Variants in KCNIP4 observed in about 807,000 individuals in gnomAD.
KCNIP4 encodes potassium voltage-gated channel interacting protein 4.
In KCNIP4, 12 loss-of-function variants were observed where a neutral mutation model predicts 34.0. That is an observed-to-expected ratio of 0.35 (90% CI 0.23 to 0.57). The LOEUF is 0.57. Ranked by LOEUF, KCNIP4 falls within the 20% of genes least tolerant of loss-of-function variation. KCNIP4 has a pLI of 0.83. For missense variants in KCNIP4, 238 were observed against 311.7 expected (o/e 0.76, Z 1.78); for synonymous variants, 124 against 102.2 (o/e 1.21, Z -1.29).
At chr4:21,272,023 C>T (rs1762178745) in intron 1 of KCNIP4, among the ~76,000 whole-genome samples, 1 of 152,092 alleles carries the variant, frequency 6.6e-6, no homozygotes, top group East Asian at 1.9e-4. Flanking sequence ...TGAAGAATGC[C>T]TTCTTAGTCA....
At position 21,925,880 on chromosome 4, in the gene KCNIP4, G is replaced by A. The variant is rs1729219747; in HGVS notation, c.61+22691C>T. 2.6e-5 allele frequency among the ~76,000 whole-genome samples: 4 copies of A among 152,104 alleles called. No individual in the cohort carries two copies. In the South Asian group the frequency reaches 8.3e-4, roughly 32 times the overall value. On this transcript the variant is annotated intron_variant, in intron 1 of 8. Coordinates refer to ENST00000382152, the MANE Select transcript of KCNIP4 (RefSeq NM_025221.6). Reference sequence around the variant, plus strand: ...ATTTGTTGAATTAATAAATGATAATGGGACACTGGAGCTGGAAGACCTAGG... The same window carrying A: ...ATTTGTTGAATTAATAAATGATAATAGGACACTGGAGCTGGAAGACCTAGG...
At chr4:20,878,361 C>T (rs962377550) in intron 2 of KCNIP4, among the ~76,000 whole-genome samples, 2 of 152,174 alleles carry the variant, frequency 1.3e-5, no homozygotes. Flanking sequence ...TTCTAGGACA[C>T]TCTCTCCAGA....
At chr4:20,906,531 A>G (rs193045076) in intron 1 of KCNIP4, among the ~76,000 whole-genome samples, 2 of 152,154 alleles carry the variant, frequency 1.3e-5, no homozygotes, top group Non-Finnish European at 2.9e-5. Context: ...TACAAGAGAG[A>G]GCAGTCAAAA....
At chr4:21,510,924 G>A (rs1184561509) in intron 1 of KCNIP4, among the ~76,000 whole-genome samples, 2 of 151,976 alleles carry the variant, frequency 1.3e-5, no homozygotes, top group Non-Finnish European at 2.9e-5. Context: ...GGCGCATGTA[G>A]TCCCAGCTAC....
At chr4:21,654,456 A>G (rs1747757678) in intron 1 of KCNIP4, among the ~76,000 whole-genome samples, 2 of 152,066 alleles carry the variant, frequency 1.3e-5, no homozygotes, top group Middle Eastern at 3.2e-3. Context: ...TCTAATCAGC[A>G]CTAAAGGCTG....
chr4:21,785,242 T>C (rs1267727054), intron 1 of KCNIP4, among the ~76,000 whole-genome samples: 4 of 105,268 alleles, frequency 3.8e-5, no homozygotes, highest in Non-Finnish European at 7.8e-5. Flanking sequence ...TTAGTATATT[T>C]AAAGGTTTGT....
chr4:21,583,214 A>G (rs1035507167), intron 1 of KCNIP4, among the ~76,000 whole-genome samples: 1 of 152,004 alleles, frequency 6.6e-6, no homozygotes, highest in Non-Finnish European at 1.5e-5. Context: ...GCATTCTAAT[A>G]CTGTACACAG....
rs559350637 is a variant in KCNIP4 at position 21,566,419 on chromosome 4, G to A, written c.61+382152C>T. 7.2e-5 allele frequency among the ~76,000 whole-genome samples: 11 copies of A among 152,098 alleles called. No individual in the cohort carries two copies. The South Asian group carries it at 1.0e-3, about 14-fold the overall frequency. Reference sequence around the variant, plus strand: ...GGCTTCCCCCTTGCTATTCTTGTGCGGTGAGTGAGTTCTCAGGAGATCTGG... The same window carrying A: ...GGCTTCCCCCTTGCTATTCTTGTGCAGTGAGTGAGTTCTCAGGAGATCTGG... On this transcript the variant is annotated intron_variant, in intron 1 of 8. Coordinates refer to ENST00000382152, the MANE Select transcript of KCNIP4 (RefSeq NM_025221.6).
chr4:21,695,942 A>T (rs1440691217), intron 1 of KCNIP4, among the ~76,000 whole-genome samples: 1 of 151,922 alleles, frequency 6.6e-6, no homozygotes, highest in Non-Finnish European at 1.5e-5. Context: ...GGTAATGTCA[A>T]AGTCATAGTG....
intron 1 of KCNIP4, among the ~76,000 whole-genome samples, chr4:21,309,240 C>T (rs1712847451): frequency 6.6e-6 from 1 of 152,168 alleles, no homozygotes; most frequent in African/African-American, 2.4e-5. Context: ...CGAACTTTCT[C>T]TACGCTTTCA....
chr4:21,206,779 A>T (rs1162393873), intron 1 of KCNIP4, among the ~76,000 whole-genome samples: 1 of 152,236 alleles, frequency 6.6e-6, no homozygotes, highest in Non-Finnish European at 1.5e-5. Flanking sequence ...ACAGAAAAGA[A>T]AACTGATCTT....
chr4:21,717,388 G>GCTATATATT lies in KCNIP4; in HGVS notation c.61+231174_61+231182dup, dbSNP rs542056849. On this transcript the variant is annotated intron_variant, in intron 1 of 8. Coordinates refer to ENST00000382152, the MANE Select transcript of KCNIP4 (RefSeq NM_025221.6). ...TTTCACAATATTATCTATATAATTTGCTATATATTAACTATATAACTCCCT... is the reference window on the plus strand; with the variant it reads ...TTTCACAATATTATCTATATAATTTGCTATATATTCTATATATTAACTATATAACTCCCT... Among the ~76,000 whole-genome samples, 573 of 152,160 alleles carry GCTATATATT rather than the reference G, an allele frequency of 3.8e-3. 1 individual carries two copies. Among genetic ancestry groups the GCTATATATT allele is most frequent in the Middle Eastern group, 0.02 (6 of 294 alleles).
rs1424926637 is a variant in KCNIP4 at position 21,687,321 on chromosome 4, A to T, written c.61+261250T>A. Among the ~76,000 whole-genome samples the T allele has an allele frequency of 3.9e-3, 594 of 152,004 alleles. 2 individuals carry two copies. Among genetic ancestry groups the T allele is most frequent in the African/African-American group, 0.014 (565 of 41,482 alleles). ...ATACCCTAAAACTTAAAGTATAAAA[A>T]AAAAAAAAAAAGAAGTGATTAGGAA... On this transcript the variant is annotated intron_variant, in intron 1 of 8. Coordinates refer to ENST00000382152, the MANE Select transcript of KCNIP4 (RefSeq NM_025221.6).
At chr4:21,261,154 T>C (rs73802522) in intron 1 of KCNIP4, among the ~76,000 whole-genome samples, 10,322 of 152,246 alleles carry the variant, frequency 0.068, 1,030 homozygotes, top group African/African-American at 0.22. Flanking sequence ...AAGGCTTGAT[T>C]ATAAAATCAC....
intron 1 of KCNIP4, among the ~76,000 whole-genome samples, chr4:21,247,138 AAG>A (rs1760265166): frequency 1.3e-5 from 2 of 152,180 alleles, no homozygotes; most frequent in Non-Finnish European, 2.9e-5. Flanking sequence ...TCAGAGTTGG[AAG>A]AGGTTTTGTA....
intron 1 of KCNIP4, among the ~76,000 whole-genome samples, chr4:21,381,533 T>C (rs1482500436): frequency 6.6e-6 from 1 of 152,222 alleles, no homozygotes; most frequent in Non-Finnish European, 1.5e-5. Context: ...TTATGTTGAA[T>C]GTTGTCACTG....
chr4:21,674,146 T>C (rs983304149), intron 1 of KCNIP4, among the ~76,000 whole-genome samples: 3 of 152,236 alleles, frequency 2.0e-5, no homozygotes, highest in African/African-American at 7.2e-5. Context: ...GTGATACTTA[T>C]AGCTCTTTGC....
Position 21,855,306 on chromosome 4 carries a change from C to A in KCNIP4, c.61+93265G>T, listed in dbSNP as rs1019674061. The stretch of plus-strand genomic sequence containing the variant: ...CTTCTCTCCTGCCAGTGACTGCAGT[C>A]TGACCTCCGTTAGCTTTTCTTCAAT... On this transcript the variant is annotated intron_variant, in intron 1 of 8. Transcript: ENST00000382152. 3.9e-5 allele frequency among the ~76,000 whole-genome samples: 6 copies of A among 152,332 alleles called. No individual in the cohort carries two copies. In the South Asian group the frequency reaches 1.0e-3, roughly 26 times the overall value.
intron 1 of KCNIP4, among the ~76,000 whole-genome samples, chr4:20,962,593 C>T (rs1014750843): frequency 6.6e-6 from 1 of 152,154 alleles, no homozygotes; most frequent in Non-Finnish European, 1.5e-5. Context: ...TGGATGGAAG[C>T]ATTAAAACCA....
Sources: allele counts gnomAD v4.1 joint callset (sites outside exome capture counted in the v4.1 genomes callset), GRCh38; gene constraint gnomAD v4.1.1; transcripts MANE v1.5; gene names NCBI Gene and HGNC (gene_info 2026-07-23, HGNC 2026-07-21).